PHLDB2: variants seen among roughly 807,000 people sequenced by gnomAD.
PHLDB2 encodes the protein pleckstrin homology like domain family B member 2, also known as pleckstrin homology-like domain family B member 2.
In PHLDB2, 71 loss-of-function variants were observed where a neutral mutation model predicts 123.6. The ratio of observed to expected loss-of-function variants is 0.57; its 90% confidence interval spans 0.47 to 0.70. The LOEUF is 0.70. Ranked by LOEUF, PHLDB2 falls within the 30% of genes least tolerant of loss-of-function variation. The pLI, the probability that PHLDB2 is intolerant of heterozygous loss-of-function variation, is 0.00. For synonymous variants in PHLDB2, 547 were observed against 541.6 expected, an observed-to-expected ratio of 1.01 and a Z score of -0.14; for missense variants, 1,446 against 1,519.5, an observed-to-expected ratio of 0.95 and a Z score of 0.80.
At chr3:111,823,237 T>TC (rs1419529586) in intron 1 of PHLDB2, among the ~76,000 whole-genome samples, 1 of 152,134 alleles carries the variant, frequency 6.6e-6, no homozygotes, top group Non-Finnish European at 1.5e-5. Flanking sequence ...TTTCAACAGT[T>TC]CCCCCTAATG....
chr3:111,921,346 T>G (rs532779773), intron 5 of PHLDB2, among the ~76,000 whole-genome samples: 1 of 152,096 alleles, frequency 6.6e-6, no homozygotes, highest in African/African-American at 2.4e-5. Flanking sequence ...AAAGAAAAAA[T>G]TTTTAGTTTG....
intron 1 of PHLDB2, among the ~76,000 whole-genome samples, chr3:111,748,359 C>T (rs539926786): frequency 2.6e-5 from 4 of 152,016 alleles, no homozygotes; most frequent in Non-Finnish European, 2.9e-5. Context: ...CCTGAGCTTC[C>T]GGGGAAGGAA....
intron 2 of PHLDB2, among the ~76,000 whole-genome samples, chr3:111,847,183 T>C (rs893350750): frequency 8.5e-5 from 13 of 152,332 alleles, no homozygotes; most frequent in Admixed American, 3.3e-4. Flanking sequence ...TATTTTATCC[T>C]AAAGGCTTTG....
chr3:111,742,542 T>C (rs144964904), intron 1 of PHLDB2, among the ~76,000 whole-genome samples: 26 of 152,212 alleles, frequency 1.7e-4, no homozygotes, highest in African/African-American at 6.0e-4. Flanking sequence ...TTCCCACCTA[T>C]GAGTGAGAAA....
At chr3:111,760,643 C>T (rs922451929) in intron 1 of PHLDB2, among the ~76,000 whole-genome samples, 4 of 151,668 alleles carry the variant, frequency 2.6e-5, no homozygotes, top group African/African-American at 7.3e-5. Context: ...AGGCAGAAAA[C>T]GTGTTCTGTT....
At chr3:111,881,892 A>T (rs538619054) in intron 1 of PHLDB2, among the ~76,000 whole-genome samples, 2 of 152,052 alleles carry the variant, frequency 1.3e-5, no homozygotes, top group South Asian at 4.2e-4. Flanking sequence ...AAGGGTACCC[A>T]TGTAGTTCAA....
At chr3:111,892,076 A>G (rs1319263840) in intron 2 of PHLDB2, among the ~76,000 whole-genome samples, 1 of 152,178 alleles carries the variant, frequency 6.6e-6, no homozygotes, top group Non-Finnish European at 1.5e-5. Flanking sequence ...GCAGGGCCAC[A>G]TTGATACTTA....
chr3:111,913,798 A>T, intron 3 of PHLDB2, 96 bp downstream of exon 3: 1 of 1,395,780 alleles, frequency 7.2e-7, no homozygotes, highest in Non-Finnish European at 9.7e-7. Context: ...CTAATTATCC[A>T]GGATGTTTTC....
At chr3:111,783,573 A>G (rs1239442628) in intron 1 of PHLDB2, among the ~76,000 whole-genome samples, 1 of 152,168 alleles carries the variant, frequency 6.6e-6, no homozygotes, top group African/African-American at 2.4e-5. Context: ...TATTCAGAAC[A>G]AACTTGCAGA....
chr3:111,826,435 A>G (rs1295734161), intron 1 of PHLDB2, among the ~76,000 whole-genome samples: 1 of 152,204 alleles, frequency 6.6e-6, no homozygotes, highest in Non-Finnish European at 1.5e-5. Flanking sequence ...TAAAGCTGGC[A>G]CATTGGTGAG....
Position 111,974,622 on chromosome 3 carries a change from G to A in PHLDB2, c.*59G>A. ...GGCAATAATCTCTTACAAGAATGAA[G>A]CCATATTCAACCCCAGATGAGAAAA... On this transcript the variant is annotated 3_prime_UTR_variant, in exon 18 of 18. Coordinates refer to ENST00000431670, the MANE Select transcript of PHLDB2 (RefSeq NM_001134438.2). 6.8e-7 allele frequency: 1 copy of A among 1,475,912 alleles called. No homozygotes were observed. The highest frequency in any genetic ancestry group is 2.5e-5 in the East Asian group (1 of 40,728). 91.4% of individuals were successfully genotyped at this position (1,475,912 alleles called of 1,614,324 possible).
intron 1 of PHLDB2, among the ~76,000 whole-genome samples, chr3:111,834,156 T>TATATTATATGTAATAGA (rs2108506487): frequency 1.3e-5 from 1 of 74,200 alleles, no homozygotes; most frequent in East Asian, 4.1e-4. Context: ...GAATTATATA[T>TATATTATATGTAATAGA]ATTATATATG....
chr3:111,889,785 TTATC>T (rs996373354), intron 2 of PHLDB2, among the ~76,000 whole-genome samples: 3 of 152,192 alleles, frequency 2.0e-5, no homozygotes, highest in Non-Finnish European at 4.4e-5. Flanking sequence ...AATGTTAAAT[TTATC>T]TAACTACTTG....
rs181597987 is a variant in PHLDB2 at position 111,748,394 on chromosome 3, T to C, written c.-49+15691T>C. On this transcript the variant is annotated intron_variant, in intron 1 of 17. Coordinates refer to the PHLDB2 transcript ENST00000393923. ...AATGTCTAACCCTTTGGGCTTGGGC[T>C]TTCTTTATTGGTATTTCCTGAAATA... Among the ~76,000 whole-genome samples the C allele has an allele frequency of 2.0e-3, 302 of 152,344 alleles. 1 individual carries two copies. The highest frequency in any genetic ancestry group is 3.7e-3 in the Admixed American group (56 of 15,306).
At chr3:111,927,865 C>T (rs1215649937) in intron 5 of PHLDB2, among the ~76,000 whole-genome samples, 1 of 152,158 alleles carries the variant, frequency 6.6e-6, no homozygotes, top group Non-Finnish European at 1.5e-5. Flanking sequence ...AGTATTGAAA[C>T]TCCAGAGAGT....
At chr3:111,897,785 T>C (rs367854782) in intron 2 of PHLDB2, among the ~76,000 whole-genome samples, 2 of 152,206 alleles carry the variant, frequency 1.3e-5, no homozygotes, top group African/African-American at 4.8e-5. Context: ...TAGGCAGAGA[T>C]TTCAATTTAC....
rs140650010 is a variant in PHLDB2, at chr3:111,920,268, G to A, written c.1864-14G>A. The A allele has an allele frequency of 5.3e-4, 856 of 1,611,286 alleles. 1 individual carries two copies. The highest frequency in any genetic ancestry group is 5.7e-4 in the Non-Finnish European group (668 of 1,179,004). On this transcript the variant is annotated splice_polypyrimidine_tract_variant and intron_variant, in intron 4 of 17. Coordinates refer to ENST00000431670, the MANE Select transcript of PHLDB2 (RefSeq NM_001134438.2). ...AAAGGTGAAACACTTCTGAGCTTTG[G>A]TTTGTGTCCTTAGTTGGATATGGAA...
chr3:111,754,337 T>C (rs2059842858), intron 1 of PHLDB2, among the ~76,000 whole-genome samples: 1 of 145,258 alleles, frequency 6.9e-6, no homozygotes, highest in Admixed American at 6.9e-5. Context: ...GAGCAGTGGT[T>C]TGTAGCTCTC....
chr3:111,952,679 C>G lies in PHLDB2; in HGVS notation c.2739C>G (p.Ser913Arg). Residue 913 changes from serine (S) to arginine (R), a missense_variant, in exon 11 of 18, where the codon AGC becomes AGG. By Grantham distance (110) the Ser-to-Arg change is moderately radical. Transcript: ENST00000431670. ...KTTSSISPHF[S>R]SATMGRSITP... ...CATCTTCCATCTCCCCACATTTCAG[C>G]AGTGCTACTATGGGGAGAAGCATCA... The G allele has an allele frequency of 6.2e-7, 1 of 1,613,932 alleles. No homozygotes were observed.
Sources: allele counts gnomAD v4.1 joint callset (sites outside exome capture counted in the v4.1 genomes callset), GRCh38; gene constraint gnomAD v4.1.1; transcripts MANE v1.5; gene names NCBI Gene and HGNC (gene_info 2026-07-23, HGNC 2026-07-21).